The following RFTN1 variants were observed in gnomAD, a reference collection of about 807,000 sequenced individuals.
RFTN1 encodes raftlin.
Under a neutral mutation model 46.5 loss-of-function variants are expected in RFTN1, and 26 were observed. That is an observed-to-expected ratio of 0.56 (90% CI 0.41 to 0.78). RFTN1 has a LOEUF of 0.78. Among genes scored for constraint, RFTN1 ranks in the 30% least tolerant of loss-of-function variants. RFTN1 has a pLI of 0.00. For missense variants in RFTN1, 693 were observed against 718.7 expected, an observed-to-expected ratio of 0.96 and a Z score of 0.41; for synonymous variants, 261 against 284.2, an observed-to-expected ratio of 0.92 and a Z score of 0.82.
chr3:16,318,553 ATC>A (rs1434866387), intron 9 of RFTN1, among the ~76,000 whole-genome samples: 1 of 152,206 alleles, frequency 6.6e-6, no homozygotes, highest in Non-Finnish European at 1.5e-5. Context: ...CACGGTAGAG[ATC>A]TGTTTCCTCA....
rs550917351 is a variant in RFTN1, at chr3:16,467,057, T to C, written c.145+26668A>G. On this transcript the variant is annotated intron_variant, in intron 2 of 9. Transcript: ENST00000334133. ...AGAAAAATGTGTTACCAGCAGCGTT[T>C]AGTCTAATGATGTGTGAGAGATACA... Among the ~76,000 whole-genome samples, 170 of 152,220 alleles carry C rather than the reference T, an allele frequency of 1.1e-3. 1 individual carries two copies. Among genetic ancestry groups the C allele is most frequent in the Admixed American group, 0.011 (169 of 15,296 alleles).
rs2075342557 is a variant in RFTN1 at position 16,429,357 on chromosome 3, T to A, written c.332+4494A>T. Among the ~76,000 whole-genome samples the A allele has an allele frequency of 6.6e-6, 1 of 152,216 alleles. No individual in the cohort carries two copies. The highest frequency in any genetic ancestry group is 2.4e-5 in the African/African-American group (1 of 41,454). ...TGCTCTCCAATTACTCAAATACTAC[T>A]AGAAAACATTTCATTAGGAGATTTA... On this transcript the variant is annotated intron_variant, in intron 3 of 9. Transcript: ENST00000334133. The surrounding 1 kb of genome is among the most constrained non-coding windows in gnomAD (Gnocchi z 6.4).
chr3:16,372,397 G>A (rs752967214), intron 5 of RFTN1, among the ~76,000 whole-genome samples: 30 of 152,148 alleles, frequency 2.0e-4, no homozygotes, highest in African/African-American at 3.4e-4. Flanking sequence ...GCCCATTCCC[G>A]AGAATGGCTG....
At position 16,377,868 on chromosome 3, in the gene RFTN1, C is replaced by T; in HGVS notation, c.676G>A (p.Gly226Ser). 1 of 1,614,220 alleles carries T rather than the reference C, an allele frequency of 6.2e-7. No homozygotes were observed. Among genetic ancestry groups the T allele is most frequent in the South Asian group, 1.1e-5 (1 of 91,084 alleles). The change falls in exon 5 of 10, where the codon GGC (glycine) becomes AGC (serine). Residue 226 changes from glycine to serine, a missense_variant. Physicochemically the swap from Gly to Ser is moderately conservative, Grantham distance 56. Coordinates refer to ENST00000334133, the MANE Select transcript of RFTN1 (RefSeq NM_015150.2). ...GRNQSPEPSS[G>S]PRGEVPLAKQ... ...GCGAGGGGCACCTCCCCTCTGGGGC[C>T]TGAGCTGGGCTCTGGGCTTTGGTTT...
rs1025733170 is a variant in RFTN1, at chr3:16,405,906, A to G, written c.441+3469T>C. Among the ~76,000 whole-genome samples the G allele has an allele frequency of 1.2e-4, 19 of 152,330 alleles. No homozygotes were observed. The East Asian group carries it at 2.1e-3, about 17-fold the overall frequency. On this transcript the variant is annotated intron_variant, in intron 4 of 9. Coordinates refer to ENST00000334133, the MANE Select transcript of RFTN1 (RefSeq NM_015150.2). ...TCACACAAAATAATGACCCAGATAA[A>G]AATGACTGCAAGTTGAGGCGGCCAA...
intron 4 of RFTN1, among the ~76,000 whole-genome samples, chr3:16,405,296 C>T (rs551752724): frequency 3.0e-4 from 45 of 152,282 alleles, no homozygotes; most frequent in Non-Finnish European, 5.1e-4. Context: ...CTCGAGCATT[C>T]GGCTCTAGGA....
rs1209018780 is a variant in RFTN1, at chr3:16,507,431, G to A, written c.-9+6011C>T. Among the ~76,000 whole-genome samples the A allele has an allele frequency of 6.6e-6, 1 of 152,126 alleles. No homozygotes were observed. The highest frequency in any genetic ancestry group is 2.1e-4 in the South Asian group (1 of 4,834). On this transcript the variant is annotated intron_variant, in intron 1 of 9. Coordinates refer to ENST00000334133, the MANE Select transcript of RFTN1 (RefSeq NM_015150.2). The surrounding 1 kb of genome is among the most constrained non-coding windows in gnomAD (Gnocchi z 7.1). ...TCCAAAATTTGCTAATACATGATATGATCAGGTTCCATTAACCAGAGTCTA... is the reference window on the plus strand; with the variant it reads ...TCCAAAATTTGCTAATACATGATATAATCAGGTTCCATTAACCAGAGTCTA...
chr3:16,491,988 C>A (rs775049359), intron 2 of RFTN1, among the ~76,000 whole-genome samples: 3 of 152,158 alleles, frequency 2.0e-5, no homozygotes, highest in Non-Finnish European at 2.9e-5. Flanking sequence ...TGACCAAATG[C>A]TCCAAATAAT....
chr3:16,358,430 G>T (rs1227952288), intron 6 of RFTN1, among the ~76,000 whole-genome samples: 6 of 149,122 alleles, frequency 4.0e-5, no homozygotes, highest in East Asian at 2.0e-4. Flanking sequence ...TTAGGTGAGG[G>T]TTTTTTTTTT....
At chr3:16,503,846 T>C (rs186251651) in intron 1 of RFTN1, among the ~76,000 whole-genome samples, 102 of 152,282 alleles carry the variant, frequency 6.7e-4, no homozygotes, top group African/African-American at 2.4e-3. Flanking sequence ...TTCAAACATA[T>C]GGAAAAGTAC....
Position 16,474,499 on chromosome 3 carries a change from C to T in RFTN1, c.145+19226G>A, listed in dbSNP as rs1321769896. ...TGACCATGAGAAAGATACCAGTACA[C>T]CCCCAGGAAGCCAGCCGATTCTCTG... On this transcript the variant is annotated intron_variant, in intron 2 of 9. Coordinates refer to ENST00000334133, the MANE Select transcript of RFTN1 (RefSeq NM_015150.2). The surrounding 1 kb of genome is among the most constrained non-coding windows in gnomAD (Gnocchi z 5.5). Among the ~76,000 whole-genome samples, 4 of 152,204 alleles carry T rather than the reference C, an allele frequency of 2.6e-5. No individual in the cohort carries two copies. The highest frequency in any genetic ancestry group is 9.7e-5 in the African/African-American group (4 of 41,446).
rs1377100319 is a variant in RFTN1 at position 16,498,081 on chromosome 3, G to A, written c.-8-4204C>T. 6.6e-6 allele frequency among the ~76,000 whole-genome samples: 1 copy of A among 152,142 alleles called. No individual in the cohort carries two copies. Among genetic ancestry groups the A allele is most frequent in the Non-Finnish European group, 1.5e-5 (1 of 68,022 alleles). On this transcript the variant is annotated intron_variant, in intron 1 of 9. Transcript: ENST00000334133. The surrounding 1 kb of genome is among the most constrained non-coding windows in gnomAD (Gnocchi z 5.2). ...AAAGGGCATTGTGCTTGATATCACA[G>A]GACATAAAGGGGCTCTGGGCAAATC...
chr3:16,418,523 A>C lies in RFTN1; in HGVS notation c.333-9040T>G, dbSNP rs2075125915. 6.6e-6 allele frequency among the ~76,000 whole-genome samples: 1 copy of C among 152,178 alleles called. No individual in the cohort carries two copies. Among genetic ancestry groups the C allele is most frequent in the Admixed American group, 6.5e-5 (1 of 15,278 alleles). On this transcript the variant is annotated intron_variant, in intron 3 of 9. Transcript: ENST00000334133. The surrounding 1 kb of genome is among the most constrained non-coding windows in gnomAD (Gnocchi z 5.0). ...ATCAAAAAAAAATGGTGACAAACAC[A>C]AACAGATTACTAGGCACTTCTCCAG...
chr3:16,353,217 A>G lies in RFTN1; in HGVS notation c.1146+4715T>C, dbSNP rs1379974429. On this transcript the variant is annotated intron_variant, in intron 7 of 9. Coordinates refer to ENST00000334133, the MANE Select transcript of RFTN1 (RefSeq NM_015150.2). This position sits in a 1 kb window ranked among gnomAD's most constrained non-coding sequence, Gnocchi z 5.4. ...CAAAAGGGACCTGCTCAGGCCTTAA[A>G]AAGGAAAAATCTTTCCCAGAGGCCA... Among the ~76,000 whole-genome samples the G allele has an allele frequency of 6.6e-6, 1 of 152,196 alleles. No homozygotes were observed. The highest frequency in any genetic ancestry group is 1.5e-5 in the Non-Finnish European group (1 of 68,022).
chr3:16,401,371 A>C (rs2074598550), intron 4 of RFTN1, among the ~76,000 whole-genome samples: 1 of 151,880 alleles, frequency 6.6e-6, no homozygotes, highest in Non-Finnish European at 1.5e-5. Flanking sequence ...CTCCTAAAGT[A>C]AACTGCTCTT....
intron 5 of RFTN1, among the ~76,000 whole-genome samples, chr3:16,371,911 G>C (rs2073522503): frequency 6.6e-6 from 1 of 152,148 alleles, no homozygotes; most frequent in Non-Finnish European, 1.5e-5. Flanking sequence ...TTTAGAAATG[G>C]AGCGACACAG....
intron 1 of RFTN1, among the ~76,000 whole-genome samples, chr3:16,505,594 A>G (rs1444320642): frequency 6.6e-6 from 1 of 152,230 alleles, no homozygotes; most frequent in Non-Finnish European, 1.5e-5. Flanking sequence ...TCTTGAATCC[A>G]AAGGCGGTCT....
intron 6 of RFTN1, among the ~76,000 whole-genome samples, chr3:16,369,121 C>G (rs1421237211): frequency 1.3e-5 from 2 of 152,216 alleles, no homozygotes; most frequent in African/African-American, 4.8e-5. Flanking sequence ...TGTTCTAAGA[C>G]TTTGGATGAT....
chr3:16,390,975 G>C (rs989002914), intron 4 of RFTN1, among the ~76,000 whole-genome samples: 1 of 152,066 alleles, frequency 6.6e-6, no homozygotes, highest in Non-Finnish European at 1.5e-5. Flanking sequence ...TACCCCCCAT[G>C]ACAACCTTTT....
Sources: gnomAD v4.1 joint callset for allele counts (sites outside exome capture counted in the v4.1 genomes callset) on GRCh38, gnomAD v4.1.1 for gene constraint, Gnocchi (gnomAD v3.1) non-coding constraint, MANE v1.5 for transcripts, NCBI Gene and HGNC (gene_info 2026-07-23, HGNC 2026-07-21) for gene names.